The following CCDC87 variants were observed in gnomAD, a reference collection of about 807,000 sequenced individuals.
CCDC87 encodes the protein coiled-coil domain-containing protein 87.
For synonymous variants in CCDC87, 434 were observed against 440.2 expected, an observed-to-expected ratio of 0.99 and a Z score of 0.18; for missense variants, 1,072 against 1,041.7, an observed-to-expected ratio of 1.03 and a Z score of -0.40.
In CCDC87 at chr11:66,593,004, G is replaced by C; in HGVS notation, c.12C>G (p.Pro4=). The C allele has an allele frequency of 6.6e-7, 1 of 1,513,126 alleles. No homozygotes were observed. The highest frequency in any genetic ancestry group is 8.8e-7 in the Non-Finnish European group (1 of 1,133,356). 93.7% of individuals were successfully genotyped at this position (1,513,126 alleles called of 1,614,324 possible). A position where few individuals can be genotyped will look rare whatever the true frequency, so the allele number is the denominator to read the frequency against. ...GCTGGAGCTCAGGCTCGGGCTTCGG[G>C]GGCTCCATCATAGAGCCGGCGGCCG... is the stretch of plus-strand genomic sequence containing the variant. The part of the protein sequence containing the change: MME[P]PKPEPELQRF... Residue 4 remains proline (P), a synonymous_variant, in exon 1 of 1, where the codon CCC becomes CCG. Transcript: ENST00000333861.
rs1565319705 is a variant in CCDC87, at chr11:66,591,295, C to T, written c.1721G>A (p.Ser574Asn). 1 of 1,614,180 alleles carries T rather than the reference C, an allele frequency of 6.2e-7. No individual in the cohort carries two copies. Reference sequence around the variant, plus strand: ...GGCCTTGTTTGACCACTTCTCCCAGCTTTTGGTAGCTTGGAGTGATGGGAG... The same window carrying T: ...GGCCTTGTTTGACCACTTCTCCCAGTTTTTGGTAGCTTGGAGTGATGGGAG... ...PSLPSLQATKSWEKWSNKASL... is the reference protein window; with the variant it reads ...PSLPSLQATKNWEKWSNKASL... Residue 574 changes from serine (S) to asparagine (N), a missense_variant, in exon 1 of 1, where the codon AGC becomes AAC. Physicochemically the swap from Ser to Asn is conservative, Grantham distance 46. Transcript: ENST00000333861.
Position 66,591,247 on chromosome 11 carries a change from G to A in CCDC87, c.1769C>T (p.Thr590Ile), listed in dbSNP as rs1565319679. 1 of 1,614,234 alleles carries A rather than the reference G, an allele frequency of 6.2e-7. No homozygotes were observed. The highest frequency in any genetic ancestry group is 2.2e-5 in the East Asian group (1 of 44,888). ...GAAGTAGTCATCCACAGACAAGGTGGTTTTCCATGAGTTCATCAAGGAGGC... is the reference window on the plus strand; with the variant it reads ...GAAGTAGTCATCCACAGACAAGGTGATTTTCCATGAGTTCATCAAGGAGGC... Reference protein sequence around the residue: ...NKASLMNSWKTTLSVDDYFKY... With the variant: ...NKASLMNSWKITLSVDDYFKY... Residue 590 changes from threonine (T) to isoleucine (I), a missense_variant, in exon 1 of 1, where the codon ACC (threonine) becomes ATC (isoleucine). Transcript: ENST00000333861.
Position 66,592,932 on chromosome 11 carries a change from C to T in CCDC87, c.84G>A (p.Arg28=), listed in dbSNP as rs1345993094. The change falls in exon 1 of 1, where the codon AGG becomes AGA. Residue 28 remains arginine, a synonymous_variant. Transcript: ENST00000333861. ...LLRPLSLFPT[R]TTSPEPQKRP... is the part of the protein sequence containing the mutation. ...GCTTCTGAGGCTCTGGGGACGTCGTCCTAGTGGGGAAGAGCGACAGCGGAC... is the reference window on the plus strand; with the variant it reads ...GCTTCTGAGGCTCTGGGGACGTCGTTCTAGTGGGGAAGAGCGACAGCGGAC... 3 of 1,522,238 alleles carry T rather than the reference C, an allele frequency of 2.0e-6. No homozygotes were observed. Among genetic ancestry groups the T allele is most frequent in the Non-Finnish European group, 2.6e-6 (3 of 1,137,662 alleles). The allele number at this position is 1,522,238 out of a possible 1,614,324, so 94.3% of individuals were successfully genotyped here.
Position 66,592,585 on chromosome 11 carries a change from AC to A in CCDC87, c.430del (p.Val144SerfsTer40), listed in dbSNP as rs755024739. The A allele has an allele frequency of 1.6e-5, 25 of 1,612,646 alleles. No homozygotes were observed. Among genetic ancestry groups the A allele is most frequent in the Non-Finnish European group, 2.0e-5 (24 of 1,179,916 alleles). On this transcript the variant is annotated frameshift_variant, in exon 1 of 1. Transcript: ENST00000333861. LOFTEE classifies it low-confidence loss of function (END_TRUNC). ...LLVTMSTPRG[V>X]FTESATLTRL... The stretch of plus-strand genomic sequence containing the variant: ...GGTGAGGGTGGCTGATTCAGTGAAG[AC>A]CCCCCTGGGAGTCGACATGGTCACC...
Position 66,591,937 on chromosome 11 carries a change from A to T in CCDC87, c.1079T>A (p.Leu360Ter). Reference protein sequence around the residue: ...GLIVAEDLKQLIKKMKLEGTR... With the variant: ...GLIVAEDLKQ ...CCCCTCCAACTTCATCTTCTTTATCAACTGCTTCAGATCCTCAGCCACGAT... is the reference window on the plus strand; with the variant it reads ...CCCCTCCAACTTCATCTTCTTTATCTACTGCTTCAGATCCTCAGCCACGAT... The change falls in exon 1 of 1, where the codon TTG (leucine) becomes TAG (stop). Residue 360 changes from leucine to a stop codon, truncating the protein, a stop_gained. Transcript: ENST00000333861. LOFTEE classifies it low-confidence loss of function (END_TRUNC). The T allele has an allele frequency of 6.2e-7, 1 of 1,613,822 alleles. No homozygotes were observed. The highest frequency in any genetic ancestry group is 8.5e-7 in the Non-Finnish European group (1 of 1,180,016).
In CCDC87 at chr11:66,591,810, C is replaced by T. The variant is rs1179004433; in HGVS notation, c.1206G>A (p.Leu402=). 1 of 1,613,374 alleles carries T rather than the reference C, an allele frequency of 6.2e-7. No individual in the cohort carries two copies. ...AGGCTTCTTCCTCCTGGAGGTTCCTCAACATCTTCTCCAGCTCCTCCAGGC... is the reference window on the plus strand; with the variant it reads ...AGGCTTCTTCCTCCTGGAGGTTCCTTAACATCTTCTCCAGCTCCTCCAGGC... ...GHRLEELEKM[L]RNLQEEEASG... is the part of the protein sequence containing the mutation. The change falls in exon 1 of 1, where the codon TTG becomes TTA. Residue 402 remains leucine, a synonymous_variant. Coordinates refer to ENST00000333861, the MANE Select transcript of CCDC87 (RefSeq NM_018219.3).
rs1263986173 is a variant in CCDC87 at position 66,592,775 on chromosome 11, G to A, written c.241C>T (p.Leu81=). The change falls in exon 1 of 1, where the codon CTA becomes TTA. Residue 81 remains leucine, a synonymous_variant. Transcript: ENST00000333861. ...TCCAGGATGACCTTGATGAGACGTA[G>A]TCGGGCCTCAGGAGGCACTCCCGCT... is the stretch of plus-strand genomic sequence containing the variant. ...IAAGVPPEAR[L]RLIKVILDEL... 9 of 1,612,894 alleles carry A rather than the reference G, an allele frequency of 5.6e-6. No individual in the cohort carries two copies. Among genetic ancestry groups the A allele is most frequent in the Non-Finnish European group, 5.9e-6 (7 of 1,179,630 alleles).
chr11:66,591,445 G>A lies in CCDC87; in HGVS notation c.1571C>T (p.Ser524Leu), dbSNP rs1046013501. 10 of 1,614,004 alleles carry A rather than the reference G, an allele frequency of 6.2e-6. No individual in the cohort carries two copies. The highest frequency in any genetic ancestry group is 4.0e-5 in the African/African-American group (3 of 74,904). Residue 524 changes from serine to leucine, a missense_variant, in exon 1 of 1, where the codon TCG (serine) becomes TTG (leucine). Transcript: ENST00000333861. Reference sequence around the variant, plus strand: ...TAGAAAGGCTGAGGACAGGAAGGTCGACCAGTCTTTATCTGCTGCAGGCTC... The same window carrying A: ...TAGAAAGGCTGAGGACAGGAAGGTCAACCAGTCTTTATCTGCTGCAGGCTC... Reference protein sequence around the residue: ...LVEPAADKDWSTFLSSAFLRQ... With the variant: ...LVEPAADKDWLTFLSSAFLRQ...
In CCDC87 at chr11:66,591,880, G is replaced by A. The variant is rs766979684; in HGVS notation, c.1136C>T (p.Pro379Leu). 6.2e-7 allele frequency: 1 copy of A among 1,613,852 alleles called. No homozygotes were observed. Among genetic ancestry groups the A allele is most frequent in the East Asian group, 2.2e-5 (1 of 44,898 alleles). Reference protein sequence around the residue: ...TRYPPLDSGLPPLLGVVTRHP... With the variant: ...TRYPPLDSGLLPLLGVVTRHP... ...ACGGGTCACAACCCCCAGGAGAGGAGGCAGGCCTGAGTCCAGTGGTGGGTA... is the reference window on the plus strand; with the variant it reads ...ACGGGTCACAACCCCCAGGAGAGGAAGCAGGCCTGAGTCCAGTGGTGGGTA... The change falls in exon 1 of 1, where the codon CCT becomes CTT. Residue 379 changes from proline to leucine, a missense_variant. Coordinates refer to ENST00000333861, the MANE Select transcript of CCDC87 (RefSeq NM_018219.3).
Position 66,590,604 on chromosome 11 carries a change from G to A in CCDC87, c.2412C>T (p.Pro804=). 1 of 1,614,212 alleles carries A rather than the reference G, an allele frequency of 6.2e-7. No homozygotes were observed. Among genetic ancestry groups the A allele is most frequent in the South Asian group, 1.1e-5 (1 of 91,076 alleles). The change falls in exon 1 of 1, where the codon CCC becomes CCT. Residue 804 remains proline (P), a synonymous_variant. Coordinates refer to ENST00000333861, the MANE Select transcript of CCDC87 (RefSeq NM_018219.3). ...TGTCACTCTTCATCTTGTCCAGGTAGGGCCGCCCCTTGAAGATCACTGGCT... is the reference window on the plus strand; with the variant it reads ...TGTCACTCTTCATCTTGTCCAGGTAAGGCCGCCCCTTGAAGATCACTGGCT... ...FGEPVIFKGR[P]YLDKMKSDKV... is the part of the protein sequence containing the mutation.
chr11:66,592,082 T>C lies in CCDC87; in HGVS notation c.934A>G (p.Met312Val). 1 of 1,604,464 alleles carries C rather than the reference T, an allele frequency of 6.2e-7. No individual in the cohort carries two copies. The highest frequency in any genetic ancestry group is 8.5e-7 in the Non-Finnish European group (1 of 1,175,150). The change falls in exon 1 of 1, where the codon ATG (methionine) becomes GTG (valine). Residue 312 changes from methionine (M) to valine (V), a missense_variant. Transcript: ENST00000333861. The stretch of plus-strand genomic sequence containing the variant: ...CTCCAGCCCTCACGCAGGGAGGGCA[T>C]GGATTGGCCTCTCCGGAGCTCAGGG... Reference protein sequence around the residue: ...FCPELRRGQSMPSLREGWRLA... With the variant: ...FCPELRRGQSVPSLREGWRLA...
chr11:66,592,178 A>G lies in CCDC87; in HGVS notation c.838T>C (p.Ser280Pro), dbSNP rs768961190. 1 of 1,596,238 alleles carries G rather than the reference A, an allele frequency of 6.3e-7. No homozygotes were observed. The highest frequency in any genetic ancestry group is 8.5e-7 in the Non-Finnish European group (1 of 1,171,428). The change falls in exon 1 of 1, where the codon TCC (serine) becomes CCC (proline). Residue 280 changes from serine to proline, a missense_variant. Transcript: ENST00000333861. ...CTGGGCAGCGACACCATCTGTGAGG[A>G]ACTGATGTCGATTTCTCTCTTCTTT... ...IGKKREIDISSSQMVSLPSYP... is the reference protein window; with the variant it reads ...IGKKREIDISPSQMVSLPSYP...
Position 66,591,883 on chromosome 11 carries a change from A to C in CCDC87, c.1133T>G (p.Leu378Arg), listed in dbSNP as rs1289023518. 6.2e-7 allele frequency: 1 copy of C among 1,613,880 alleles called. No homozygotes were observed. Among genetic ancestry groups the C allele is most frequent in the Non-Finnish European group, 8.5e-7 (1 of 1,179,994 alleles). Residue 378 changes from leucine (L) to arginine (R), a missense_variant, in exon 1 of 1, where the codon CTG becomes CGG. Physicochemically the swap from Leu to Arg is moderately radical, Grantham distance 102. Transcript: ENST00000333861. ...GTRYPPLDSGLPPLLGVVTRH... is the reference protein window; with the variant it reads ...GTRYPPLDSGRPPLLGVVTRH... ...GGTCACAACCCCCAGGAGAGGAGGCAGGCCTGAGTCCAGTGGTGGGTAGCG... is the reference window on the plus strand; with the variant it reads ...GGTCACAACCCCCAGGAGAGGAGGCCGGCCTGAGTCCAGTGGTGGGTAGCG...
At position 66,591,733 on chromosome 11, in the gene CCDC87, G is replaced by T; in HGVS notation, c.1283C>A (p.Pro428Gln). 1 of 1,613,746 alleles carries T rather than the reference G, an allele frequency of 6.2e-7. No homozygotes were observed. Among genetic ancestry groups the T allele is most frequent in the Non-Finnish European group, 8.5e-7 (1 of 1,180,016 alleles). Residue 428 changes from proline (P) to glutamine (Q), a missense_variant, in exon 1 of 1, where the codon CCA becomes CAA. Physicochemically the swap from Pro to Gln is moderately conservative, Grantham distance 76. Coordinates refer to ENST00000333861, the MANE Select transcript of CCDC87 (RefSeq NM_018219.3). ...TCTAAGCTTCAAAGTAATGGTCACT[G>T]GCTGTGGGTGAAGTGGAAAGGATTT... is the stretch of plus-strand genomic sequence containing the variant. Reference protein sequence around the residue: ...PPKSFPLHPQPVTITLKLRNE... With the variant: ...PPKSFPLHPQQVTITLKLRNE...
At position 66,593,039 on chromosome 11, in the gene CCDC87, A is replaced by T; in HGVS notation, c.-24T>A. On this transcript the variant is annotated 5_prime_UTR_variant, in exon 1 of 1. Transcript: ENST00000333861. ...ATAGAGCCGGCGGCCGCCACCGTCC[A>T]GGAACAGAAAGCCGAGGGGTTACTA... is the stretch of plus-strand genomic sequence containing the variant. 1 of 1,507,200 alleles carries T rather than the reference A, an allele frequency of 6.6e-7. No homozygotes were observed. The highest frequency in any genetic ancestry group is 1.3e-5 in the South Asian group (1 of 74,782). 93.4% of individuals were successfully genotyped at this position (1,507,200 alleles called of 1,614,324 possible).
chr11:66,592,423 A>T lies in CCDC87; in HGVS notation c.593T>A (p.Val198Asp), dbSNP rs568214022. ...ASGDVDKLHP[V>D]CPAGTFKLCP... ...CAGCTTGAACGTCCCAGCGGGGCAG[A>T]CAGGGTGCAGCTTGTCCACATCCCC... The change falls in exon 1 of 1, where the codon GTC (valine) becomes GAC (aspartate). Residue 198 changes from valine to aspartate, a missense_variant. Transcript: ENST00000333861. 2 of 1,614,018 alleles carry T rather than the reference A, an allele frequency of 1.2e-6. No homozygotes were observed. The highest frequency in any genetic ancestry group is 1.3e-5 in the African/African-American group (1 of 75,048).
chr11:66,591,389 G>C lies in CCDC87; in HGVS notation c.1627C>G (p.Pro543Ala). ...RQEKQPQIIN[P>A]ELVGLYSQRA... is the part of the protein sequence containing the mutation. Reference sequence around the variant, plus strand: ...TGGGAGTAAAGTCCAACCAGCTCAGGGTTGATGATTTGAGGCTGTTTTTCT... The same window carrying C: ...TGGGAGTAAAGTCCAACCAGCTCAGCGTTGATGATTTGAGGCTGTTTTTCT... The change falls in exon 1 of 1, where the codon CCT becomes GCT. Residue 543 changes from proline (P) to alanine (A), a missense_variant. Transcript: ENST00000333861. 6.2e-7 allele frequency: 1 copy of C among 1,614,114 alleles called. No individual in the cohort carries two copies. Among genetic ancestry groups the C allele is most frequent in the Non-Finnish European group, 8.5e-7 (1 of 1,180,038 alleles).
In CCDC87 at chr11:66,592,725, C is replaced by T; in HGVS notation, c.291G>A (p.Glu97=). 1.2e-6 allele frequency: 2 copies of T among 1,613,948 alleles called. No individual in the cohort carries two copies. The highest frequency in any genetic ancestry group is 1.7e-6 in the Non-Finnish European group (2 of 1,180,032). ...GGCTCAGACTAAGTTCGGCGGGCGGCTCCCGCCAGCTGCACTTCAGCTCGT... is the reference window on the plus strand; with the variant it reads ...GGCTCAGACTAAGTTCGGCGGGCGGTTCCCGCCAGCTGCACTTCAGCTCGT... ...ILDELKCSWR[E]PPAELSLSHK... is the part of the protein sequence containing the mutation. Residue 97 remains glutamate (E), a synonymous_variant, in exon 1 of 1, where the codon GAG becomes GAA. Transcript: ENST00000333861.
chr11:66,591,172 A>C lies in CCDC87; in HGVS notation c.1844T>G (p.Met615Arg). ...CTCCACAGGAACCTCTTCTTCATGC[A>C]TTTGAAAGATGACATGAAGGAAATC... ...ETDFLHVIFQ[M>R]HEEEVPVEIV... Residue 615 changes from methionine (M) to arginine (R), a missense_variant, in exon 1 of 1, where the codon ATG becomes AGG. Physicochemically the swap from Met to Arg is moderately conservative, Grantham distance 91 (BLOSUM62 -1). Coordinates refer to ENST00000333861, the MANE Select transcript of CCDC87 (RefSeq NM_018219.3). The C allele has an allele frequency of 6.2e-7, 1 of 1,614,216 alleles. No homozygotes were observed. The highest frequency in any genetic ancestry group is 1.1e-5 in the South Asian group (1 of 91,086).
Sources: allele counts gnomAD v4.1 joint callset, GRCh38; gene constraint gnomAD v4.1.1; transcripts MANE v1.5; gene names NCBI Gene and HGNC (gene_info 2026-07-23, HGNC 2026-07-21).